NPSR1: variants seen among roughly 807,000 people sequenced by gnomAD.
NPSR1 encodes the protein neuropeptide S receptor 1.
Under a neutral mutation model 46.9 loss-of-function variants are expected in NPSR1, and 48 were observed. The observed-to-expected ratio is 1.02, with a 90% CI of 0.81 to 1.30. NPSR1 has a LOEUF of 1.30. Among genes scored for constraint, NPSR1 ranks in the 50% most tolerant of loss-of-function variants. NPSR1 has a pLI of 0.00. For synonymous variants in NPSR1, 176 were observed against 168.1 expected, an observed-to-expected ratio of 1.05 and a Z score of -0.36; for missense variants, 450 against 449.5, an observed-to-expected ratio of 1.00 and a Z score of -0.01.
intron 8 of NPSR1, among the ~76,000 whole-genome samples, chr7:34,868,382 A>G (rs759038548): frequency 1.1e-4 from 17 of 151,790 alleles, no homozygotes; most frequent in East Asian, 3.9e-4. Context: ...TCTAACCCAA[A>G]CAAGGAGAAA....
chr7:34,815,568 A>C (rs1284908080), intron 4 of NPSR1, among the ~76,000 whole-genome samples: 1 of 152,220 alleles, frequency 6.6e-6, no homozygotes, highest in Non-Finnish European at 1.5e-5. Context: ...AATACAGAGA[A>C]CACCACAAAG....
At chr7:34,773,842 AT>A (rs537202015) in intron 2 of NPSR1, among the ~76,000 whole-genome samples, 142 of 152,262 alleles carry the variant, frequency 9.3e-4, no homozygotes, top group African/African-American at 3.2e-3. Flanking sequence ...TATCTTGTCT[AT>A]TTGTTTTTTC....
chr7:34,766,792 C>G (rs944292151), intron 2 of NPSR1, among the ~76,000 whole-genome samples: 1 of 152,130 alleles, frequency 6.6e-6, no homozygotes, highest in Non-Finnish European at 1.5e-5. Context: ...CCAGGATGGT[C>G]TCGATCTCCC....
At chr7:34,843,922 G>T (rs1790657862) in intron 6 of NPSR1, among the ~76,000 whole-genome samples, 1 of 152,224 alleles carries the variant, frequency 6.6e-6, no homozygotes. Flanking sequence ...GTGGCTCCTG[G>T]CTGAGAGTTG....
intron 3 of NPSR1, among the ~76,000 whole-genome samples, chr7:34,802,468 G>C (rs1788470714): frequency 6.7e-6 from 1 of 150,286 alleles, no homozygotes; most frequent in Non-Finnish European, 1.5e-5. Flanking sequence ...AATGGGGAAA[G>C]GATTCCCTAT....
At chr7:34,721,047 T>C (rs1284929691) in intron 2 of NPSR1, among the ~76,000 whole-genome samples, 1 of 152,172 alleles carries the variant, frequency 6.6e-6, no homozygotes, top group African/African-American at 2.4e-5. Flanking sequence ...AAGGAAATGT[T>C]TTACTGTCAT....
intron 3 of NPSR1, among the ~76,000 whole-genome samples, chr7:34,787,005 A>G (rs1787494804): frequency 6.6e-6 from 1 of 152,130 alleles, no homozygotes; most frequent in South Asian, 2.1e-4. Context: ...ATTAGCTGTT[A>G]AAAAGAATAT....
chr7:34,815,664 G>C lies in NPSR1; in HGVS notation c.478+3801G>C, dbSNP rs2546384. Among the ~76,000 whole-genome samples the C allele has an allele frequency of 6.6e-5, 10 of 152,152 alleles. No homozygotes were observed. The South Asian group carries it at 2.1e-3, about 32-fold the overall frequency. On this transcript the variant is annotated intron_variant, in intron 4 of 8. Coordinates refer to ENST00000360581, the MANE Select transcript of NPSR1 (RefSeq NM_207172.2). ...GGAAAAAATGTTAACGGCAGCCAGA[G>C]AGAAAGGTCAGGTTACCCACAAAGG...
intron 3 of NPSR1, among the ~76,000 whole-genome samples, chr7:34,804,107 T>C (rs62462946): frequency 0.27 from 41,373 of 151,968 alleles, 5,661 homozygotes; most frequent in Middle Eastern, 0.3. Context: ...CAGTCTTCTC[T>C]AGAAAACAGA....
At chr7:34,860,914 C>G (rs901867442) in intron 8 of NPSR1, among the ~76,000 whole-genome samples, 1 of 151,886 alleles carries the variant, frequency 6.6e-6, no homozygotes, top group African/African-American at 2.4e-5. Flanking sequence ...CAAAGAAAAG[C>G]AGTGTGCTCC....
chr7:34,783,224 G>C (rs1787311258), intron 3 of NPSR1, among the ~76,000 whole-genome samples: 2 of 152,136 alleles, frequency 1.3e-5, no homozygotes, highest in Non-Finnish European at 2.9e-5. Flanking sequence ...AATTTATAAG[G>C]GAAAGAGCTT....
chr7:34,788,581 A>G lies in NPSR1; in HGVS notation c.384+10016A>G, dbSNP rs148722498. ...AACAGGGCAAATAAGGTCATTGCAT[A>G]ATAATAAACGGATTATTTCATCAGG... On this transcript the variant is annotated intron_variant, in intron 3 of 8. Coordinates refer to ENST00000360581, the MANE Select transcript of NPSR1 (RefSeq NM_207172.2). 1.7e-3 allele frequency among the ~76,000 whole-genome samples: 253 copies of G among 152,240 alleles called. 3 individuals carry two copies. Among genetic ancestry groups the G allele is most frequent in the Non-Finnish European group, 2.1e-3 (140 of 67,972 alleles).
chr7:34,821,415 T>TG (rs1789557042), intron 4 of NPSR1, among the ~76,000 whole-genome samples: 1 of 152,174 alleles, frequency 6.6e-6, no homozygotes, highest in Non-Finnish European at 1.5e-5. Context: ...CATGAGACAC[T>TG]GCACCTGGCC....
chr7:34,849,588 G>C lies in NPSR1; in HGVS notation c.1049G>C (p.Arg350Thr), dbSNP rs149313965. 5 of 1,614,038 alleles carry C rather than the reference G, an allele frequency of 3.1e-6. No homozygotes were observed. The African/African-American group carries it at 4.0e-5, about 13-fold the overall frequency. The part of the protein sequence containing the change: ...PCREQRSQDS[R>T]MTFRERTERH... ...AGGGAGCAAAGATCACAGGATTCCAGAATGACGTTCCGGGAGAGAACTGAG... is the reference window on the plus strand; with the variant it reads ...AGGGAGCAAAGATCACAGGATTCCACAATGACGTTCCGGGAGAGAACTGAG... Residue 350 changes from arginine (R) to threonine (T), a missense_variant, in exon 9 of 9, where the codon AGA becomes ACA. Transcript: ENST00000360581.
intron 2 of NPSR1, chr7:34,751,375 T>C (rs1345472780): frequency 5.8e-5 from 60 of 1,037,504 alleles, no homozygotes; most frequent in East Asian, 4.7e-5. Flanking sequence ...TGGGTTGCTA[T>C]AGAGGCCTGA....
intron 2 of NPSR1, among the ~76,000 whole-genome samples, chr7:34,775,331 T>C (rs73325781): frequency 0.069 from 10,438 of 152,224 alleles, 1,040 homozygotes; most frequent in African/African-American, 0.22. Context: ...CTGGTTTTGG[T>C]ATCAGGATAA....
At chr7:34,798,546 C>T (rs183559642) in intron 3 of NPSR1, among the ~76,000 whole-genome samples, 63 of 151,870 alleles carry the variant, frequency 4.1e-4, no homozygotes, top group African/African-American at 1.5e-3. Flanking sequence ...GAAAAAGGGG[C>T]GGGGGGTTGA....
intron 6 of NPSR1, among the ~76,000 whole-genome samples, chr7:34,836,134 T>G (rs1394664679): frequency 6.6e-6 from 1 of 152,120 alleles, no homozygotes; most frequent in Non-Finnish European, 1.5e-5. Flanking sequence ...ATGCAGATCC[T>G]AGTGCTTCCC....
At chr7:34,750,622 G>A in intron 2 of NPSR1, 1 of 686,494 alleles carries the variant, frequency 1.5e-6, no homozygotes, top group Non-Finnish European at 2.7e-6. Flanking sequence ...TTATAGCCTT[G>A]CCCTCAGGCT....
Sources: allele counts gnomAD v4.1 joint callset (sites outside exome capture counted in the v4.1 genomes callset), GRCh38; gene constraint gnomAD v4.1.1; transcripts MANE v1.5; gene names NCBI Gene and HGNC (gene_info 2026-07-23, HGNC 2026-07-21).